The following ANKS1B variants were observed in gnomAD, a reference collection of about 807,000 sequenced individuals.
The protein encoded by ANKS1B is ankyrin repeat and sterile alpha motif domain-containing protein 1B.
In ANKS1B, 36 loss-of-function variants were observed where a neutral mutation model predicts 148.3. The observed-to-expected ratio is 0.24, with a 90% CI of 0.19 to 0.32. ANKS1B has a LOEUF of 0.32. Among genes scored for constraint, ANKS1B ranks in the 10% least tolerant of loss-of-function variants. ANKS1B has a pLI of 1.00. For missense variants in ANKS1B, 1,157 were observed against 1,542.6 expected, an observed-to-expected ratio of 0.75 and a Z score of 4.19; for synonymous variants, 542 against 560.8, an observed-to-expected ratio of 0.97 and a Z score of 0.47.
intron 15 of ANKS1B, among the ~76,000 whole-genome samples, chr12:99,130,542 C>T (rs2065799284): frequency 6.6e-6 from 1 of 152,134 alleles, no homozygotes; most frequent in Admixed American, 6.5e-5. Context: ...CTCTGTCCAT[C>T]ACTATAGCCA....
chr12:98,869,170 G>C (rs75313057), intron 17 of ANKS1B, among the ~76,000 whole-genome samples: 5,909 of 152,238 alleles, frequency 0.039, 168 homozygotes, highest in Non-Finnish European at 0.059. Flanking sequence ...TAAGCTCCAT[G>C]AGGAAGGAAT....
chr12:98,994,893 G>A (rs957650369), intron 17 of ANKS1B, among the ~76,000 whole-genome samples: 1 of 152,110 alleles, frequency 6.6e-6, no homozygotes, highest in Non-Finnish European at 1.5e-5. Flanking sequence ...CACATTCTGA[G>A]GTACTGGAGA....
At chr12:98,753,361 G>A (rs1245805394) in intron 25 of ANKS1B, among the ~76,000 whole-genome samples, 1 of 152,178 alleles carries the variant, frequency 6.6e-6, no homozygotes, top group Non-Finnish European at 1.5e-5. Context: ...GATGCATACT[G>A]GTCACAGAGA....
At chr12:99,546,333 T>A (rs922102214) in intron 9 of ANKS1B, among the ~76,000 whole-genome samples, 2 of 152,186 alleles carry the variant, frequency 1.3e-5, no homozygotes, top group African/African-American at 4.8e-5. Flanking sequence ...TTTCAAGAGT[T>A]TATAAACTGG....
chr12:99,898,196 T>A (rs982407588), intron 1 of ANKS1B, among the ~76,000 whole-genome samples: 6 of 152,208 alleles, frequency 3.9e-5, no homozygotes, highest in Admixed American at 3.3e-4. Flanking sequence ...ATTTTTAAAA[T>A]CTAGAATTAA....
chr12:99,160,228 A>C (rs1218678329), intron 14 of ANKS1B, among the ~76,000 whole-genome samples: 1 of 152,028 alleles, frequency 6.6e-6, no homozygotes, highest in African/African-American at 2.4e-5. Context: ...CTTTAATTTA[A>C]TTAGGTCCCA....
intron 6 of ANKS1B, among the ~76,000 whole-genome samples, chr12:99,777,120 C>T (rs2063732454): frequency 6.6e-6 from 1 of 152,194 alleles, no homozygotes; most frequent in East Asian, 1.9e-4. Context: ...TTTGTAGCCT[C>T]TGTATAAAGA....
intron 8 of ANKS1B, among the ~76,000 whole-genome samples, chr12:99,723,350 C>T (rs554952322): frequency 6.6e-6 from 1 of 152,288 alleles, no homozygotes; most frequent in East Asian, 1.9e-4. Flanking sequence ...GAGGGGTCCC[C>T]CGCAGCACAA....
chr12:99,788,548 G>A (rs1173215799), intron 4 of ANKS1B, among the ~76,000 whole-genome samples: 7 of 152,194 alleles, frequency 4.6e-5, no homozygotes, highest in Non-Finnish European at 8.8e-5. Context: ...AGCTGTGGTG[G>A]CTACGGTGAA....
intron 17 of ANKS1B, among the ~76,000 whole-genome samples, chr12:98,917,328 C>T (rs2099795699): frequency 6.6e-6 from 1 of 152,158 alleles, no homozygotes; most frequent in South Asian, 2.1e-4. Flanking sequence ...CCCAGGGGCT[C>T]CTTCCCCACC....
chr12:99,679,737 T>C (rs2098603412), intron 8 of ANKS1B, among the ~76,000 whole-genome samples: 2 of 152,142 alleles, frequency 1.3e-5, no homozygotes, highest in Non-Finnish European at 2.9e-5. Context: ...TAGAACACAA[T>C]AGACCAACCA....
chr12:99,851,479 T>C (rs1274227839), intron 1 of ANKS1B, among the ~76,000 whole-genome samples: 1 of 152,090 alleles, frequency 6.6e-6, no homozygotes, highest in Non-Finnish European at 1.5e-5. Context: ...GATCTACTCC[T>C]ACTAATGAAG....
intron 9 of ANKS1B, among the ~76,000 whole-genome samples, chr12:99,518,228 T>C (rs2096841598): frequency 2.6e-5 from 4 of 152,176 alleles, no homozygotes; most frequent in Admixed American, 2.6e-4. Context: ...GCTGGTCTTG[T>C]AGAATGAGTT....
chr12:98,975,173 C>T (rs182391311), intron 17 of ANKS1B, among the ~76,000 whole-genome samples: 2 of 141,970 alleles, frequency 1.4e-5, no homozygotes, highest in Admixed American at 1.4e-4. Context: ...CTCCCTCCCA[C>T]CTTCCTCCCT....
chr12:98,942,969 T>C (rs1216643759), intron 17 of ANKS1B, among the ~76,000 whole-genome samples: 10 of 152,172 alleles, frequency 6.6e-5, no homozygotes, highest in Admixed American at 5.9e-4. Context: ...GGAGTTCAAA[T>C]GAGAAAATTT....
chr12:98,807,853 C>T lies in ANKS1B; in HGVS notation c.3132G>A (p.Gln1044=), dbSNP rs1157335779. The change falls in exon 20 of 27, where the codon CAG becomes CAA. Residue 1044 remains glutamine, a synonymous_variant. Transcript: ENST00000683438. ...NAGFPFSAIH[Q]VHNTGDWGEP... is the part of the protein sequence containing the mutation. Reference sequence around the variant, plus strand: ...CCATTTGTAACCTTACATTATGAACCTGATGGATCGCTGAGAAAGGAAATC... The same window carrying T: ...CCATTTGTAACCTTACATTATGAACTTGATGGATCGCTGAGAAAGGAAATC... 3 of 1,613,238 alleles carry T rather than the reference C, an allele frequency of 1.9e-6. No individual in the cohort carries two copies. The South Asian group carries it at 3.3e-5, about 18-fold the overall frequency.
At chr12:99,243,392 G>A (rs1265509047) in intron 14 of ANKS1B, among the ~76,000 whole-genome samples, 1 of 152,206 alleles carries the variant, frequency 6.6e-6, no homozygotes, top group Non-Finnish European at 1.5e-5. Flanking sequence ...TGCTGGAGAG[G>A]ACGTGGAGAA....
chr12:99,930,799 T>G (rs1342395665), intron 1 of ANKS1B, among the ~76,000 whole-genome samples: 1 of 152,070 alleles, frequency 6.6e-6, no homozygotes, highest in Non-Finnish European at 1.5e-5. Flanking sequence ...TCCTCAGGGA[T>G]CTAGAACTAG....
chr12:99,935,064 A>C (rs1008993248), intron 1 of ANKS1B, among the ~76,000 whole-genome samples: 1 of 152,124 alleles, frequency 6.6e-6, no homozygotes, highest in African/African-American at 2.4e-5. Context: ...AAAAGCATAA[A>C]CCATATATAA....
Sources: gnomAD v4.1 joint callset for allele counts (sites outside exome capture counted in the v4.1 genomes callset) on GRCh38, gnomAD v4.1.1 for gene constraint, MANE v1.5 for transcripts, NCBI Gene and HGNC (gene_info 2026-07-23, HGNC 2026-07-21) for gene names.